Variants in THSD4 observed in about 807,000 individuals in gnomAD.
THSD4 encodes thrombospondin type-1 domain-containing protein 4.
THSD4 carries 69 observed loss-of-function variants against 119.0 expected under a neutral mutation model. That is an observed-to-expected ratio of 0.58 (90% CI 0.48 to 0.71). THSD4 has a LOEUF of 0.71. Ranked by LOEUF, THSD4 falls within the 30% of genes least tolerant of loss-of-function variation. The pLI is 0.00. For missense variants in THSD4, 1,393 were observed against 1,391.1 expected, an observed-to-expected ratio of 1.00 and a Z score of -0.02; for synonymous variants, 524 against 540.4, an observed-to-expected ratio of 0.97 and a Z score of 0.42.
At chr15:71,773,165 C>T (rs1445784361) in intron 17 of THSD4, among the ~76,000 whole-genome samples, 1 of 132,980 alleles carries the variant, frequency 7.5e-6, no homozygotes, top group Non-Finnish European at 1.5e-5. Flanking sequence ...CGCACCACTG[C>T]ACTCCAGCCT....
At chr15:71,726,072 G>A (rs1333306726) in intron 8 of THSD4, among the ~76,000 whole-genome samples, 1 of 152,224 alleles carries the variant, frequency 6.6e-6, no homozygotes, top group Non-Finnish European at 1.5e-5. Context: ...GAGCCACCGT[G>A]CCCAGCCGCA....
intron 8 of THSD4, among the ~76,000 whole-genome samples, chr15:71,694,833 G>T (rs2052129379): frequency 6.6e-6 from 1 of 152,024 alleles, no homozygotes; most frequent in South Asian, 2.1e-4. Flanking sequence ...GACCCCACAG[G>T]ACCACAGCAA....
chr15:71,394,574 C>T (rs2097222473), intron 6 of THSD4, among the ~76,000 whole-genome samples: 1 of 152,146 alleles, frequency 6.6e-6, no homozygotes, highest in Non-Finnish European at 1.5e-5. Flanking sequence ...CCTGATTGGC[C>T]TTTTCACTCC....
chr15:71,642,152 AC>A lies in THSD4; in HGVS notation c.1153-18377del, dbSNP rs368203440. ...GCTGCCTGTCACCGGAGAAAGTCAA[AC>A]AAAATCAGATAGACAGGGCTCTTGC... On this transcript the variant is annotated intron_variant, in intron 7 of 17. Transcript: ENST00000261862. 4.6e-5 allele frequency among the ~76,000 whole-genome samples: 7 copies of A among 152,314 alleles called. No individual in the cohort carries two copies. In the East Asian group the frequency reaches 1.2e-3, roughly 25 times the overall value.
intron 7 of THSD4, among the ~76,000 whole-genome samples, chr15:71,605,992 G>T (rs2050103237): frequency 6.6e-6 from 1 of 152,144 alleles, no homozygotes; most frequent in Non-Finnish European, 1.5e-5. Flanking sequence ...GAAAGTATTT[G>T]AAGCAGGGAG....
At chr15:71,097,449 C>T (rs1245322430) in intron 1 of THSD4, among the ~76,000 whole-genome samples, 1 of 151,564 alleles carries the variant, frequency 6.6e-6, no homozygotes, top group Admixed American at 6.6e-5. Context: ...GCCTGTGGTC[C>T]CAGCTACTCC....
intron 6 of THSD4, among the ~76,000 whole-genome samples, chr15:71,286,511 A>G (rs1434105638): frequency 6.6e-6 from 1 of 152,190 alleles, no homozygotes; most frequent in Non-Finnish European, 1.5e-5. Context: ...GCTGCATAGT[A>G]TTCCATGGTG....
chr15:71,582,663 C>T (rs183739024), intron 7 of THSD4, among the ~76,000 whole-genome samples: 21 of 152,100 alleles, frequency 1.4e-4, no homozygotes, highest in Non-Finnish European at 5.9e-5. Context: ...TCTTCTATAC[C>T]TGATTTGTTA....
intron 3 of THSD4, among the ~76,000 whole-genome samples, chr15:71,197,702 A>G (rs543993340): frequency 6.6e-6 from 1 of 152,070 alleles, no homozygotes; most frequent in South Asian, 2.1e-4. Flanking sequence ...TTTGTTCTCC[A>G]AGGGCCACCA....
At chr15:71,732,238 C>G (rs1347840969) in intron 10 of THSD4, 2 of 152,214 alleles carry the variant, frequency 1.3e-5, no homozygotes, top group Non-Finnish European at 2.9e-5. Context: ...CTTTAGGGGG[C>G]CATTATCTGT....
intron 3 of THSD4, among the ~76,000 whole-genome samples, chr15:71,167,520 T>G (rs2043305038): frequency 1.3e-5 from 2 of 152,250 alleles, no homozygotes; most frequent in Admixed American, 1.3e-4. Context: ...TTTCTGCTCC[T>G]GGGACTTTAA....
At chr15:71,343,957 G>A (rs538681725) in intron 6 of THSD4, among the ~76,000 whole-genome samples, 31 of 151,490 alleles carry the variant, frequency 2.0e-4, no homozygotes, top group African/African-American at 7.3e-4. Flanking sequence ...CAAGCAATCA[G>A]CCCACCTCAC....
intron 8 of THSD4, among the ~76,000 whole-genome samples, chr15:71,711,094 T>TAC (rs2052505057): frequency 6.8e-6 from 1 of 147,722 alleles, no homozygotes; most frequent in Non-Finnish European, 1.5e-5. Context: ...TATATATATA[T>TAC]ACATATATAT....
chr15:71,570,516 C>T (rs960206483), intron 7 of THSD4, among the ~76,000 whole-genome samples: 1 of 152,178 alleles, frequency 6.6e-6, no homozygotes, highest in East Asian at 1.9e-4. Flanking sequence ...AAGCGATTCT[C>T]CTGCCTCAGC....
Position 71,411,532 on chromosome 15 carries a change from C to T in THSD4, c.1016-155C>T, listed in dbSNP as rs550242689. On this transcript the variant is annotated intron_variant, in intron 6 of 17. Transcript: ENST00000261862. Reference sequence around the variant, plus strand: ...ACACAACCTTATGAATATACGAAGACTTATTGAACTGTATAGTTGGTTAAA... The same window carrying T: ...ACACAACCTTATGAATATACGAAGATTTATTGAACTGTATAGTTGGTTAAA... 4.6e-5 allele frequency among the ~76,000 whole-genome samples: 7 copies of T among 152,036 alleles called. No individual in the cohort carries two copies. The South Asian group carries it at 1.5e-3, about 32-fold the overall frequency.
chr15:71,735,176 C>T (rs901952750), intron 10 of THSD4, among the ~76,000 whole-genome samples: 1 of 152,102 alleles, frequency 6.6e-6, no homozygotes, highest in African/African-American at 2.4e-5. Flanking sequence ...TTGGCTAGAC[C>T]CCCCTGGTGG....
At chr15:71,479,043 G>A (rs1466530737) in intron 7 of THSD4, among the ~76,000 whole-genome samples, 11 of 151,476 alleles carry the variant, frequency 7.3e-5, no homozygotes, top group African/African-American at 1.2e-4. Flanking sequence ...AGTGGCAGTC[G>A]AGGGGAACAG....
intron 6 of THSD4, among the ~76,000 whole-genome samples, chr15:71,273,212 AAAG>A (rs2044553477): frequency 6.6e-6 from 1 of 152,234 alleles, no homozygotes; most frequent in Non-Finnish European, 1.5e-5. Flanking sequence ...ATTCAGCCTG[AAAG>A]AAGAATGAAA....
rs371887638 is a variant in THSD4, at chr15:71,206,534, T to G, written c.100-8501T>G. On this transcript the variant is annotated intron_variant, in intron 3 of 17. Transcript: ENST00000261862. ...AAAACTAAACCTACTTTTTCCAGTC[T>G]CTCTTAGAATGAGACTTTAGAATTT... Among the ~76,000 whole-genome samples the G allele has an allele frequency of 3.9e-5, 6 of 152,192 alleles. No homozygotes were observed. The East Asian group carries it at 1.2e-3, about 29-fold the overall frequency.
Sources: allele counts gnomAD v4.1 joint callset (sites outside exome capture counted in the v4.1 genomes callset), GRCh38; gene constraint gnomAD v4.1.1; transcripts MANE v1.5; gene names NCBI Gene and HGNC (gene_info 2026-07-23, HGNC 2026-07-21).